Variants in PON1 observed in about 807,000 individuals in gnomAD.
PON1 encodes the protein paraoxonase 1, also known as serum paraoxonase/arylesterase 1.
A neutral mutation model predicts 39.2 loss-of-function variants in PON1; 37 were observed. That is an observed-to-expected ratio of 0.94 (90% CI 0.73 to 1.24). The LOEUF is 1.24. Ranked by LOEUF, PON1 falls within the 50% of genes most tolerant of loss-of-function variation. PON1 has a pLI of 0.00. For missense variants in PON1, 397 were observed against 413.5 expected (o/e 0.96, Z 0.35); for synonymous variants, 148 against 152.2 (o/e 0.97, Z 0.21).
chr7:95,316,949 G>A (rs939489769), intron 2 of PON1, among the ~76,000 whole-genome samples, 160 bp from the exon 3 acceptor site: 5 of 152,028 alleles, frequency 3.3e-5, no homozygotes, highest in Non-Finnish European at 7.4e-5. Context: ...TGATGAATGC[G>A]ATTATATGGA....
At chr7:95,324,148 G>A (rs1483912833) in intron 1 of PON1, among the ~76,000 whole-genome samples, 1 of 152,174 alleles carries the variant, frequency 6.6e-6, no homozygotes, top group Non-Finnish European at 1.5e-5. Flanking sequence ...ATTAATTCGT[G>A]TATGCTGACA....
intron 7 of PON1, among the ~76,000 whole-genome samples, chr7:95,305,479 A>C (rs1344622936): frequency 6.6e-6 from 1 of 152,230 alleles, no homozygotes; most frequent in Non-Finnish European, 1.5e-5. Flanking sequence ...GCAAATAGAA[A>C]AACAGCCTGT....
At chr7:95,312,350 T>C (rs941818136) in intron 4 of PON1, among the ~76,000 whole-genome samples, 1 of 152,122 alleles carries the variant, frequency 6.6e-6, no homozygotes, top group South Asian at 2.1e-4. Flanking sequence ...CCCACCACCA[T>C]GCCTGGCTAA....
At chr7:95,310,910 C>T (rs1168864490) in intron 5 of PON1, among the ~76,000 whole-genome samples, 1 of 152,126 alleles carries the variant, frequency 6.6e-6, no homozygotes, top group Non-Finnish European at 1.5e-5. Context: ...TGTTTTATTT[C>T]ACCATATGTT....
intron 6 of PON1, among the ~76,000 whole-genome samples, 167 bp downstream of exon 6, chr7:95,307,844 T>C (rs1382548512): frequency 6.6e-6 from 1 of 152,194 alleles, no homozygotes; most frequent in East Asian, 1.9e-4. Context: ...AATTTTTGAT[T>C]TGATAAATTT....
chr7:95,304,148 C>A (rs1418007088), intron 7 of PON1, among the ~76,000 whole-genome samples: 3 of 152,048 alleles, frequency 2.0e-5, no homozygotes, highest in African/African-American at 7.2e-5. Flanking sequence ...ATTCTTCTCT[C>A]CCCCAAGTTC....
At position 95,318,363 on chromosome 7, in the gene PON1, T is replaced by C. The variant is rs758949106; in HGVS notation, c.105A>G (p.Gln35=). The change falls in exon 2 of 9, where the codon CAA becomes CAG. Residue 35 remains glutamine, a synonymous_variant. Transcript: ENST00000222381. ...AATTACAGTTAGGAAGTTCTACGGG[T>C]TGTACCTCTCGGAGAGCATTAAGTC... ...QTRLNALREV[Q]PVELPNCNLV... 2 of 1,610,214 alleles carry C rather than the reference T, an allele frequency of 1.2e-6. No individual in the cohort carries two copies. The highest frequency in any genetic ancestry group is 2.7e-5 in the African/African-American group (2 of 74,808).
At chr7:95,309,039 A>G (rs1360930838) in intron 5 of PON1, among the ~76,000 whole-genome samples, 4 of 152,198 alleles carry the variant, frequency 2.6e-5, no homozygotes, top group South Asian at 2.1e-4. Flanking sequence ...TCTCTGCTCT[A>G]TTGCAGAGGC....
chr7:95,311,840 C>T (rs573017542), intron 4 of PON1, among the ~76,000 whole-genome samples: 16 of 152,338 alleles, frequency 1.1e-4, no homozygotes, highest in African/African-American at 3.6e-4. Context: ...ATCACTGACA[C>T]TAAAACTCCA....
intron 1 of PON1, among the ~76,000 whole-genome samples, chr7:95,320,713 A>G (rs547890226): frequency 6.6e-6 from 1 of 152,220 alleles, no homozygotes; most frequent in South Asian, 2.1e-4. Context: ...AAATTGACCC[A>G]CCTGTGTTAT....
intron 1 of PON1, 102 bp from the exon 2 acceptor site, chr7:95,318,495 C>T: frequency 1.9e-6 from 2 of 1,077,386 alleles, no homozygotes; most frequent in Non-Finnish European, 2.8e-6. Context: ...CTGTACTTTG[C>T]CTGAGTTTCA....
intron 4 of PON1, among the ~76,000 whole-genome samples, chr7:95,312,940 C>A (rs192008122): frequency 1.3e-5 from 2 of 152,276 alleles, no homozygotes; most frequent in East Asian, 3.9e-4. Context: ...CCACAGGGAG[C>A]CAGAATCAGT....
chr7:95,315,556 G>A, intron 3 of PON1, 66 bp from the exon 4 acceptor site: 2 of 1,518,360 alleles, frequency 1.3e-6, no homozygotes, highest in Non-Finnish European at 9.1e-7. Flanking sequence ...TAGAGGCGCT[G>A]CATGGCCCAT....
chr7:95,303,684 C>G (rs1807481601), intron 7 of PON1, among the ~76,000 whole-genome samples: 1 of 152,208 alleles, frequency 6.6e-6, no homozygotes, highest in South Asian at 2.1e-4. Context: ...AGCAGGGAGC[C>G]TGTTCTGAGT....
At position 95,299,039 on chromosome 7, in the gene PON1, C is replaced by T; in HGVS notation, c.973G>A (p.Gly325Ser). Residue 325 changes from glycine (G) to serine (S), a missense_variant, in exon 9 of 9, where the codon GGC (glycine) becomes AGC (serine). Transcript: ENST00000222381. ...PKVTQVYAEN[G>S]TVLQGSTVAS... ...ACTGTACTGCCTTGCAACACTGTGC[C>T]ATTTTCTGCATAAACCTGTGTCACT... 1 of 1,614,110 alleles carries T rather than the reference C, an allele frequency of 6.2e-7. No homozygotes were observed. The highest frequency in any genetic ancestry group is 8.5e-7 in the Non-Finnish European group (1 of 1,179,954).
chr7:95,302,112 A>AC (rs1807443580), intron 8 of PON1, 93 bp downstream of exon 8: 2 of 837,856 alleles, frequency 2.4e-6, no homozygotes, highest in African/African-American at 1.8e-5. Flanking sequence ...AAAAAAAAAA[A>AC]AAAAAAAAAC....
At position 95,308,052 on chromosome 7, in the gene PON1, TC is replaced by T; in HGVS notation, c.656del (p.Gly219AspfsTer19). ...TGTTGATTCCATTAGCAAAATCAAA[TC>T]CTTCTGCCACCACTCGAACTTCACT... ...SPSEVRVVAE[G>X]FDFANGINIS... On this transcript the variant is annotated frameshift_variant, in exon 6 of 9. Transcript: ENST00000222381. LOFTEE classifies it high-confidence loss of function. The T allele has an allele frequency of 6.2e-7, 1 of 1,614,110 alleles. No individual in the cohort carries two copies. Among genetic ancestry groups the T allele is most frequent in the Non-Finnish European group, 8.5e-7 (1 of 1,180,032 alleles).
chr7:95,308,653 CAGCAGCCTGGATACT>C (rs1807593989), intron 5 of PON1, among the ~76,000 whole-genome samples: 2 of 152,092 alleles, frequency 1.3e-5, no homozygotes, highest in African/African-American at 4.8e-5. Flanking sequence ...AATGCTGAAC[CAGCAGCCTGGATACT>C]TGCATTTTAG....
At chr7:95,305,463 C>T (rs917592678) in intron 7 of PON1, among the ~76,000 whole-genome samples, 2 of 152,058 alleles carry the variant, frequency 1.3e-5, no homozygotes, top group African/African-American at 4.8e-5. Flanking sequence ...GTGAATTGTA[C>T]CAGAAGCAAA....
Sources: gnomAD v4.1 joint callset for allele counts (sites outside exome capture counted in the v4.1 genomes callset) on GRCh38, gnomAD v4.1.1 for gene constraint, MANE v1.5 for transcripts, NCBI Gene and HGNC (gene_info 2026-07-23, HGNC 2026-07-21) for gene names.